HERC2: variants seen among roughly 807,000 people sequenced by gnomAD.
HERC2 encodes the protein HECT and RLD domain containing E3 ubiquitin protein ligase 2.
Under a neutral mutation model 537.7 loss-of-function variants are expected in HERC2, and 102 were observed. The ratio of observed to expected loss-of-function variants is 0.19; its 90% confidence interval spans 0.16 to 0.22. The LOEUF (loss-of-function observed/expected upper bound fraction) is 0.22, where lower values mean the gene tolerates loss of function less well. Ranked by LOEUF, HERC2 falls within the 10% of genes least tolerant of loss-of-function variation. The probability of loss-of-function intolerance (pLI) is 1.00; values close to 1 mark genes in which losing one functional copy is unlikely to be tolerated. For missense variants in HERC2, 4,236 were observed against 6,198.2 expected (o/e 0.68, Z 10.63); for synonymous variants, 2,224 against 2,466.2 (o/e 0.90, Z 2.91).
intron 48 of HERC2, among the ~76,000 whole-genome samples, chr15:28,200,844 AT>A (rs1215418353): frequency 7.7e-5 from 11 of 142,660 alleles, no homozygotes. Context: ...AAATGAGATG[AT>A]TTGGGGGATT....
chr15:28,238,003 G>A, intron 25 of HERC2, 111 bp downstream of exon 25: 2 of 818,624 alleles, frequency 2.4e-6, no homozygotes, highest in East Asian at 2.4e-5. Flanking sequence ...TATCCCTAAT[G>A]CCCCACAAAA....
chr15:28,175,713 A>C, intron 63 of HERC2, 57 bp from the exon 64 acceptor site: 1 of 1,542,058 alleles, frequency 6.5e-7, no homozygotes, highest in Non-Finnish European at 8.9e-7. Flanking sequence ...ACAATGCTAT[A>C]CAAGAAGACA....
Position 28,152,710 on chromosome 15 carries a change from C to T in HERC2, c.10867G>A (p.Asp3623Asn), listed in dbSNP as rs1047573613. The T allele has an allele frequency of 9.0e-6, 14 of 1,551,076 alleles. No homozygotes were observed. The Admixed American group carries it at 1.4e-4, about 15-fold the overall frequency. Reference sequence around the variant, plus strand: ...TTCACTGTGCCACTGGTGGAGGTGTCGTCGGTGTAAGGGTGGCTACTCTCC... The same window carrying T: ...TTCACTGTGCCACTGGTGGAGGTGTTGTCGGTGTAAGGGTGGCTACTCTCC... ...VVESSHPYTDDTSTSGTVKIP... is the reference protein window; with the variant it reads ...VVESSHPYTDNTSTSGTVKIP... The change falls in exon 70 of 93, where the codon GAC (aspartate) becomes AAC (asparagine). Residue 3623 changes from aspartate (D) to asparagine (N), a missense_variant. By Grantham distance (23) the Asp-to-Asn change is conservative (BLOSUM62 1). Around this residue, in one of 27 missense-constraint regions of HERC2, gnomAD observed 356 missense variants for 450.9 expected, o/e 0.79. Transcript: ENST00000261609.
chr15:28,192,736 G>A (rs1258254173), intron 52 of HERC2, among the ~76,000 whole-genome samples: 1 of 152,162 alleles, frequency 6.6e-6, no homozygotes. Context: ...TTCCCTGATG[G>A]CATCACCAGG....
chr15:28,208,989 G>A (rs1285861928), intron 44 of HERC2, among the ~76,000 whole-genome samples: 2 of 152,138 alleles, frequency 1.3e-5, no homozygotes, highest in Non-Finnish European at 2.9e-5. Context: ...ATCAAAAAAT[G>A]TTTTTTTCTA....
At position 28,116,995 on chromosome 15, in the gene HERC2, C is replaced by T; in HGVS notation, c.13414+18G>A. 1 of 1,613,986 alleles carries T rather than the reference C, an allele frequency of 6.2e-7. No individual in the cohort carries two copies. On this transcript the variant is annotated intron_variant, in intron 87 of 92. Coordinates refer to ENST00000261609, the MANE Select transcript of HERC2 (RefSeq NM_004667.6). ...ACTGCCGGGGACACAGGTGCTCCAG[C>T]ACGTGGCAAGTTCTCACCCACAAAC...
chr15:28,270,765 A>G lies in HERC2; in HGVS notation c.1187T>C (p.Val396Ala). ...AIDLRQTAVV[V>A]MAHLDRLATP... The stretch of plus-strand genomic sequence containing the variant: ...AGCCAGACGGTCTAAATGGGCCATG[A>G]CAACAACCGCCGTTTGTCGCAGATC... Residue 396 changes from valine (V) to alanine (A), a missense_variant, in exon 10 of 93, where the codon GTC (valine) becomes GCC (alanine). Transcript: ENST00000261609. 3.1e-6 allele frequency: 5 copies of G among 1,613,974 alleles called. No homozygotes were observed. Among genetic ancestry groups the G allele is most frequent in the Non-Finnish European group, 4.2e-6 (5 of 1,179,864 alleles).
At chr15:28,316,156 G>C in intron 2 of HERC2, 1 of 259,070 alleles carries the variant, frequency 3.9e-6, no homozygotes, top group Non-Finnish European at 7.8e-6. Flanking sequence ...CTGGGAGGTG[G>C]AGGTTGCAGT....
chr15:28,149,683 G>A (rs73379664), intron 70 of HERC2, among the ~76,000 whole-genome samples: 11,572 of 148,524 alleles, frequency 0.078, 1,526 homozygotes, highest in African/African-American at 0.27. Context: ...ACTTCTAACC[G>A]AGAACATCAC....
At chr15:28,291,909 G>GAAAAAA (rs67813649) in intron 4 of HERC2, among the ~76,000 whole-genome samples, 6 of 37,944 alleles carry the variant, frequency 1.6e-4, no homozygotes, top group African/African-American at 5.1e-4. Context: ...CGTCTCAAAG[G>GAAAAAA]AAAAAAAAAA....
At chr15:28,248,120 T>C (rs1233147899) in intron 21 of HERC2, among the ~76,000 whole-genome samples, 1 of 152,146 alleles carries the variant, frequency 6.6e-6, no homozygotes, top group Non-Finnish European at 1.5e-5. Flanking sequence ...GTCTAATGTC[T>C]AAACTATTAA....
At chr15:28,226,165 C>T (rs570349424) in intron 35 of HERC2, among the ~76,000 whole-genome samples, 61 of 152,338 alleles carry the variant, frequency 4.0e-4, no homozygotes, top group African/African-American at 1.4e-3. Context: ...AGACATTCCA[C>T]ATTCAGAGAA....
At chr15:28,246,624 G>A in intron 22 of HERC2, 118 bp downstream of exon 22, 1 of 819,806 alleles carries the variant, frequency 1.2e-6, no homozygotes, top group Non-Finnish European at 1.8e-6. Flanking sequence ...AGGTGAAAGG[G>A]CAGGAGGCCC....
At chr15:28,275,359 GAGAAGAGCTGGA>G (rs917537233) in intron 5 of HERC2, among the ~76,000 whole-genome samples, 1 of 152,216 alleles carries the variant, frequency 6.6e-6, no homozygotes, top group Non-Finnish European at 1.5e-5. Flanking sequence ...GACCAGGCCG[GAGAAGAGCTGGA>G]AGAAGAGCAG....
chr15:28,284,078 A>G lies in HERC2; in HGVS notation c.323-3791T>C, dbSNP rs139794567. Reference sequence around the variant, plus strand: ...TGCTTAATAATTTTGTGCATGAAACAAAGTTCGTGCTAAGTACTTATGAAT... The same window carrying G: ...TGCTTAATAATTTTGTGCATGAAACGAAGTTCGTGCTAAGTACTTATGAAT... On this transcript the variant is annotated intron_variant, in intron 4 of 92. Coordinates refer to ENST00000261609, the MANE Select transcript of HERC2 (RefSeq NM_004667.6). 2.1e-3 allele frequency among the ~76,000 whole-genome samples: 315 copies of G among 152,336 alleles called. 1 individual carries two copies. The highest frequency in any genetic ancestry group is 7.2e-3 in the African/African-American group (298 of 41,586).
At chr15:28,238,352 T>C in intron 24 of HERC2, 135 bp from the exon 25 acceptor site, 1 of 815,796 alleles carries the variant, frequency 1.2e-6, no homozygotes, top group Non-Finnish European at 2.1e-6. Context: ...GACCTTCTAC[T>C]GTCTCCCAGG....
chr15:28,222,226 G>A lies in HERC2; in HGVS notation c.5465-11C>T, dbSNP rs374204285. 1.6e-4 allele frequency: 249 copies of A among 1,584,326 alleles called. No individual in the cohort carries two copies. In the African/African-American group the frequency reaches 2.1e-3, roughly 14 times the overall value. ...TGTCACAACTGGGGCCTGATGGAGC[G>A]TCAAAAACAATAGCTGAGCCAACAA... On this transcript the variant is annotated splice_polypyrimidine_tract_variant and intron_variant, in intron 35 of 92. Coordinates refer to ENST00000261609, the MANE Select transcript of HERC2 (RefSeq NM_004667.6).
At position 28,142,225 on chromosome 15, in the gene HERC2, TATC is replaced by T. The variant is rs1405124689; in HGVS notation, c.11700+10_11700+12del. 6 of 1,609,906 alleles carry T rather than the reference TATC, an allele frequency of 3.7e-6. No homozygotes were observed. The Admixed American group carries it at 1.0e-4, about 27-fold the overall frequency. On this transcript the variant is annotated intron_variant, in intron 76 of 92. Coordinates refer to ENST00000261609, the MANE Select transcript of HERC2 (RefSeq NM_004667.6). ...TTGCATCCCAAAAGTGATTCCAAAA[TATC>T]ATGCAATACCTCATCAAGAAACAGA...
At chr15:28,305,364 A>C (rs1250604272) in intron 2 of HERC2, among the ~76,000 whole-genome samples, 1 of 151,806 alleles carries the variant, frequency 6.6e-6, no homozygotes, top group Non-Finnish European at 1.5e-5. Flanking sequence ...AGCCCTCAGA[A>C]ATAACGCCGC....
Sources: allele counts gnomAD v4.1 joint callset (sites outside exome capture counted in the v4.1 genomes callset), GRCh38; gene constraint gnomAD v4.1.1; regional missense constraint gnomAD v4.1.1; transcripts MANE v1.5; gene names NCBI Gene and HGNC (gene_info 2026-07-23, HGNC 2026-07-21).